Variants in CPA4 observed in about 807,000 individuals in gnomAD.
CPA4 encodes carboxypeptidase A3.
Under a neutral mutation model 54.7 loss-of-function variants are expected in CPA4, and 49 were observed. That is an observed-to-expected ratio of 0.90 (90% CI 0.71 to 1.14). The LOEUF (loss-of-function observed/expected upper bound fraction) is 1.14, where lower values mean the gene tolerates loss of function less well. Among genes scored for constraint, CPA4 ranks in the 50% most tolerant of loss-of-function variants. The pLI is 0.00. For missense variants in CPA4, 487 were observed against 525.1 expected, an observed-to-expected ratio of 0.93 and a Z score of 0.71; for synonymous variants, 215 against 206.8, an observed-to-expected ratio of 1.04 and a Z score of -0.34.
chr7:130,308,010 G>A, intron 7 of CPA4: 1 of 397,890 alleles, frequency 2.5e-6, no homozygotes, highest in Non-Finnish European at 4.6e-6. Flanking sequence ...GTGTCCATTT[G>A]CCCACTTCTG....
chr7:130,301,400 T>C (rs1411018775), intron 4 of CPA4, among the ~76,000 whole-genome samples: 2 of 152,214 alleles, frequency 1.3e-5, no homozygotes, highest in Non-Finnish European at 2.9e-5. Context: ...AACCACTTGA[T>C]ATAGATGGCT....
intron 10 of CPA4, among the ~76,000 whole-genome samples, chr7:130,317,368 C>T (rs1030761571): frequency 3.3e-5 from 5 of 152,144 alleles, no homozygotes; most frequent in Non-Finnish European, 5.9e-5. Flanking sequence ...GTACATTGCA[C>T]GATGATGAAA....
rs761205010 is a variant in CPA4, at chr7:130,293,171, C to T, written c.-10C>T. 1.9e-6 allele frequency: 3 copies of T among 1,591,712 alleles called. No individual in the cohort carries two copies. Among genetic ancestry groups the T allele is most frequent in the Non-Finnish European group, 2.6e-6 (3 of 1,159,682 alleles). On this transcript the variant is annotated 5_prime_UTR_variant, in exon 1 of 11. Transcript: ENST00000222482. ...TGACTCAGCCACTGTATGACTGACT[C>T]CCCGGGGACATGAGGTGGATACTGT...
At chr7:130,305,145 T>C (rs1334910549) in intron 5 of CPA4, among the ~76,000 whole-genome samples, 2 of 152,230 alleles carry the variant, frequency 1.3e-5, no homozygotes, top group Non-Finnish European at 2.9e-5. Context: ...GTATAACCCA[T>C]GGAACACCAA....
chr7:130,295,904 C>T (rs916554799), intron 1 of CPA4, among the ~76,000 whole-genome samples: 4 of 152,138 alleles, frequency 2.6e-5, no homozygotes, highest in African/African-American at 4.8e-5. Context: ...ACTTGAACCC[C>T]GGAGGCGGAG....
rs376985428 is a variant in CPA4 at position 130,322,672 on chromosome 7, A to C, written c.1262A>C (p.Tyr421Ser). Residue 421 changes from tyrosine (Y) to serine (S), a missense_variant, in exon 11 of 11, where the codon TAC (tyrosine) becomes TCC (serine). Coordinates refer to ENST00000222482, the MANE Select transcript of CPA4 (RefSeq NM_016352.4). ...ATGGAGCATGTGCGGGACAACCTCT[A>C]CTAGGCGATGGCTCTGCTCTGTCTA... ...TIMEHVRDNL[Y>S] 1.6e-5 allele frequency: 26 copies of C among 1,613,084 alleles called. No individual in the cohort carries two copies. The African/African-American group carries it at 2.1e-4, about 13-fold the overall frequency.
chr7:130,307,518 G>A (rs1026501494), intron 7 of CPA4, among the ~76,000 whole-genome samples: 2 of 151,206 alleles, frequency 1.3e-5, no homozygotes, highest in East Asian at 2.0e-4. Flanking sequence ...TGTAGTCCCA[G>A]CTACTTGGGA....
At chr7:130,322,188 C>T (rs548021905) in intron 10 of CPA4, among the ~76,000 whole-genome samples, 49 of 152,282 alleles carry the variant, frequency 3.2e-4, no homozygotes, top group African/African-American at 1.2e-3. Context: ...ATCTTGGAGG[C>T]TGCCTACTAT....
At chr7:130,294,003 C>T (rs1223401941) in intron 1 of CPA4, among the ~76,000 whole-genome samples, 13 of 152,032 alleles carry the variant, frequency 8.6e-5, no homozygotes, top group Non-Finnish European at 1.5e-5. Context: ...ACCATGGTGC[C>T]CTGTTAGAAG....
At chr7:130,315,979 G>T (rs966514394) in intron 10 of CPA4, among the ~76,000 whole-genome samples, 1 of 152,116 alleles carries the variant, frequency 6.6e-6, no homozygotes, top group Non-Finnish European at 1.5e-5. Context: ...TCAGGGTTAG[G>T]TGGGACTAAT....
chr7:130,322,333 T>C (rs2117179631), intron 10 of CPA4, among the ~76,000 whole-genome samples, 156 bp from the exon 11 acceptor site: 1 of 152,200 alleles, frequency 6.6e-6, no homozygotes, highest in East Asian at 1.9e-4. Context: ...TCCTGAGACA[T>C]AGGGATCAGG....
At chr7:130,294,062 G>C (rs1793613261) in intron 1 of CPA4, among the ~76,000 whole-genome samples, 1 of 152,154 alleles carries the variant, frequency 6.6e-6, no homozygotes, top group African/African-American at 2.4e-5. Context: ...CATTTGCAAA[G>C]AGCTTTCATG....
intron 9 of CPA4, 56 bp downstream of exon 9, chr7:130,311,042 G>C (rs888040978): frequency 9.3e-5 from 129 of 1,382,250 alleles, no homozygotes; most frequent in Non-Finnish European, 1.2e-4. Flanking sequence ...TCCTGGCGCT[G>C]CTAAGGTGGT....
At chr7:130,311,962 T>G in intron 9 of CPA4, 76 bp from the exon 10 acceptor site, 1 of 1,095,128 alleles carries the variant, frequency 9.1e-7, no homozygotes, top group Non-Finnish European at 1.4e-6. Flanking sequence ...TTCCAAACCA[T>G]CCCAGAGCAG....
intron 1 of CPA4, among the ~76,000 whole-genome samples, chr7:130,297,410 C>T (rs995405988): frequency 2.6e-5 from 4 of 152,214 alleles, no homozygotes; most frequent in African/African-American, 9.7e-5. Context: ...GGTATCTCTT[C>T]AGGGCCCTCG....
intron 10 of CPA4, among the ~76,000 whole-genome samples, chr7:130,313,233 T>G (rs1230858043): frequency 3.3e-5 from 5 of 152,206 alleles, no homozygotes; most frequent in Admixed American, 2.6e-4. Flanking sequence ...GTTAAATATC[T>G]TTGAAAAAGG....
intron 10 of CPA4, among the ~76,000 whole-genome samples, chr7:130,320,393 C>G (rs1011347015): frequency 6.6e-5 from 10 of 152,160 alleles, no homozygotes; most frequent in African/African-American, 2.4e-4. Context: ...CAAATGTGTT[C>G]TGAAATACTT....
At chr7:130,308,549 T>C (rs958091159) in intron 8 of CPA4, 152 bp downstream of exon 8, 1 of 657,170 alleles carries the variant, frequency 1.5e-6, no homozygotes, top group African/African-American at 1.8e-5. Context: ...GGCTCTGACT[T>C]AGTGTTTTGT....
chr7:130,305,846 G>T lies in CPA4; in HGVS notation c.517G>T (p.Ala173Ser). 1 of 1,614,160 alleles carries T rather than the reference G, an allele frequency of 6.2e-7. No homozygotes were observed. Among genetic ancestry groups the T allele is most frequent in the East Asian group, 2.2e-5 (1 of 44,878 alleles). The change falls in exon 6 of 11, where the codon GCC (alanine) becomes TCC (serine). Residue 173 changes from alanine (A) to serine (S), a missense_variant. Transcript: ENST00000222482. ...CACTGGGAAAGGCGTGAGGCGGCCG[G>T]CCGTTTGGCTGAATGCAGGCATCCA... ...FSTGKGVRRP[A>S]VWLNAGIHSR...
Sources: gnomAD v4.1 joint callset for allele counts (sites outside exome capture counted in the v4.1 genomes callset) on GRCh38, gnomAD v4.1.1 for gene constraint, MANE v1.5 for transcripts, NCBI Gene and HGNC (gene_info 2026-07-23, HGNC 2026-07-21) for gene names.